SORCS2: variants seen among roughly 807,000 people sequenced by gnomAD.
SORCS2 encodes the protein VPS10 domain-containing receptor SorCS2.
Under a neutral mutation model 141.6 loss-of-function variants are expected in SORCS2, and 100 were observed. That is an observed-to-expected ratio of 0.71 (90% CI 0.60 to 0.83). The LOEUF is 0.83. SORCS2 is among the 40% of genes least tolerant of loss of function. The pLI is 0.00. For synonymous variants in SORCS2, 789 were observed against 676.9 expected (o/e 1.17, Z -2.57); for missense variants, 1,646 against 1,560.2 (o/e 1.05, Z -0.93).
chr4:7,317,041 G>T (rs1718607659), intron 1 of SORCS2, among the ~76,000 whole-genome samples: 1 of 152,194 alleles, frequency 6.6e-6, no homozygotes, highest in Non-Finnish European at 1.5e-5. Context: ...TCTCCAAGCA[G>T]CCATAGAGTC....
chr4:7,355,754 G>A (rs145802166), intron 1 of SORCS2, among the ~76,000 whole-genome samples: 24 of 152,362 alleles, frequency 1.6e-4, no homozygotes, highest in African/African-American at 5.8e-4. Context: ...GCTGGGAAAC[G>A]CCCTCTCGCT....
At chr4:7,406,597 T>G (rs1024980705) in intron 2 of SORCS2, among the ~76,000 whole-genome samples, 22 of 152,036 alleles carry the variant, frequency 1.4e-4, no homozygotes, top group Admixed American at 1.2e-3. Context: ...TTTTCATTTC[T>G]GATTTTATTT....
intron 12 of SORCS2, among the ~76,000 whole-genome samples, chr4:7,703,017 G>A (rs1298569482): frequency 6.6e-6 from 1 of 152,246 alleles, no homozygotes; most frequent in Non-Finnish European, 1.5e-5. Flanking sequence ...GCTGCGTGCT[G>A]TGCTCATTTG....
At chr4:7,539,092 G>A (rs1431620934) in intron 3 of SORCS2, among the ~76,000 whole-genome samples, 5 of 152,154 alleles carry the variant, frequency 3.3e-5, no homozygotes, top group Non-Finnish European at 5.9e-5. Context: ...CCGGTGGGCT[G>A]CTGAACCAGG....
At chr4:7,199,849 C>T (rs1318775359) in intron 1 of SORCS2, among the ~76,000 whole-genome samples, 1 of 152,112 alleles carries the variant, frequency 6.6e-6, no homozygotes, top group African/African-American at 2.4e-5. Context: ...AGCTCCCAAA[C>T]CCACTCTCCC....
chr4:7,610,791 T>C (rs1458234935), intron 3 of SORCS2, among the ~76,000 whole-genome samples: 1 of 152,090 alleles, frequency 6.6e-6, no homozygotes, highest in East Asian at 1.9e-4. Flanking sequence ...AGCACTACGA[T>C]TGGTAAAGTC....
intron 18 of SORCS2, among the ~76,000 whole-genome samples, chr4:7,721,429 G>C (rs113882896): frequency 0.026 from 4,006 of 152,156 alleles, 75 homozygotes; most frequent in Non-Finnish European, 0.036. Flanking sequence ...TCCCACCACT[G>C]TACTCCAGCC....
At chr4:7,268,146 A>G (rs1175491646) in intron 1 of SORCS2, among the ~76,000 whole-genome samples, 1 of 152,150 alleles carries the variant, frequency 6.6e-6, no homozygotes, top group Non-Finnish European at 1.5e-5. Context: ...ATGGCCTTGG[A>G]GGATCCCTGG....
rs140111673 is a variant in SORCS2, at chr4:7,742,667, C to T, written c.*2403C>T. 6.6e-6 allele frequency: 1 copy of T among 152,250 alleles called. No individual in the cohort carries two copies. The highest frequency in any genetic ancestry group is 2.4e-5 in the African/African-American group (1 of 41,442). 9.4% of individuals were successfully genotyped at this position (152,250 alleles called of 1,614,324 possible). On this transcript the variant is annotated 3_prime_UTR_variant, in exon 27 of 27. Transcript: ENST00000507866. Reference sequence around the variant, plus strand: ...TGTCCCTGGTTGTAAATTCGAGGGTCTGCATATCTGATGTTCAGGTAGACC... The same window carrying T: ...TGTCCCTGGTTGTAAATTCGAGGGTTTGCATATCTGATGTTCAGGTAGACC...
intron 1 of SORCS2, among the ~76,000 whole-genome samples, chr4:7,315,391 C>T (rs1273126309): frequency 6.6e-6 from 1 of 152,268 alleles, no homozygotes; most frequent in Non-Finnish European, 1.5e-5. Context: ...CACTCACATT[C>T]TTGGCTCTGG....
intron 1 of SORCS2, among the ~76,000 whole-genome samples, chr4:7,365,204 G>A (rs1721803939): frequency 6.6e-6 from 1 of 152,194 alleles, no homozygotes; most frequent in African/African-American, 2.4e-5. Context: ...TGATAGGACT[G>A]GTATTTTGAA....
At chr4:7,375,543 G>A (rs1188933775) in intron 1 of SORCS2, among the ~76,000 whole-genome samples, 2 of 152,286 alleles carry the variant, frequency 1.3e-5, no homozygotes, top group Admixed American at 6.5e-5. Flanking sequence ...TCATGGGAGC[G>A]ATGCCCGTGT....
intron 8 of SORCS2, 22 bp downstream of exon 8, chr4:7,667,235 C>G: frequency 6.2e-7 from 1 of 1,610,000 alleles, no homozygotes; most frequent in East Asian, 2.2e-5. Flanking sequence ...CCCATTCCGC[C>G]TGGTCCTGTG....
At chr4:7,724,947 GTGGTGT>G (rs1727089459) in intron 19 of SORCS2, among the ~76,000 whole-genome samples, 2 of 83,154 alleles carry the variant, frequency 2.4e-5, no homozygotes, top group Non-Finnish European at 5.0e-5. Flanking sequence ...GGTGATGGTG[GTGGTGT>G]TGGTGATGGT....
At chr4:7,697,145 G>T in intron 11 of SORCS2, 53 bp from the exon 12 acceptor site, 2 of 1,467,098 alleles carry the variant, frequency 1.4e-6, no homozygotes, top group South Asian at 2.5e-5. Context: ...CTTGTTAAAG[G>T]GGTAAAGCTG....
At chr4:7,430,783 AG>A (rs1263099618) in intron 2 of SORCS2, 1 of 152,260 alleles carries the variant, frequency 6.6e-6, no homozygotes, top group East Asian at 1.9e-4. Context: ...CCTCTCCCAC[AG>A]CTGGACAGTT....
At chr4:7,646,006 C>A (rs1721049162) in intron 4 of SORCS2, among the ~76,000 whole-genome samples, 1 of 152,264 alleles carries the variant, frequency 6.6e-6, no homozygotes, top group African/African-American at 2.4e-5. Context: ...AATGCACTTA[C>A]CAGCCCCTGC....
intron 1 of SORCS2, among the ~76,000 whole-genome samples, chr4:7,232,739 C>T (rs986182003): frequency 6.6e-6 from 1 of 152,180 alleles, no homozygotes; most frequent in East Asian, 1.9e-4. Flanking sequence ...CTGCCCTGGG[C>T]CCCCTCAGTA....
chr4:7,372,581 T>G (rs4479707), intron 1 of SORCS2, among the ~76,000 whole-genome samples: 53,865 of 152,162 alleles, frequency 0.35, 11,107 homozygotes, highest in Middle Eastern at 0.47. Flanking sequence ...GTGCTGGAAT[T>G]ACAGGCGTGA....
Sources: allele counts gnomAD v4.1 joint callset (sites outside exome capture counted in the v4.1 genomes callset), GRCh38; gene constraint gnomAD v4.1.1; transcripts MANE v1.5; gene names NCBI Gene and HGNC (gene_info 2026-07-23, HGNC 2026-07-21).